AGTPBP1: variants seen among roughly 807,000 people sequenced by gnomAD.
AGTPBP1 encodes the protein cytosolic carboxypeptidase 1.
In AGTPBP1, 70 loss-of-function variants were observed where a neutral mutation model predicts 143.9. The observed-to-expected ratio is 0.49, with a 90% CI of 0.40 to 0.59. The LOEUF (loss-of-function observed/expected upper bound fraction) is 0.59, where lower values mean the gene tolerates loss of function less well. Among genes scored for constraint, AGTPBP1 ranks in the 20% least tolerant of loss-of-function variants. AGTPBP1 has a pLI of 0.00. For synonymous variants in AGTPBP1, 463 were observed against 500.2 expected (o/e 0.93, Z 0.99); for missense variants, 1,229 against 1,464.5 (o/e 0.84, Z 2.62).
chr9:85,676,074 T>A (rs1485040278), intron 6 of AGTPBP1, among the ~76,000 whole-genome samples: 1 of 152,118 alleles, frequency 6.6e-6, no homozygotes, highest in Non-Finnish European at 1.5e-5. Context: ...AGCTGTAGCA[T>A]GTTAGATTGT....
At chr9:85,757,892 G>A in the AGTPBP1 span, among the ~76,000 whole-genome samples, 1 of 152,180 alleles carries the variant, frequency 6.6e-6, no homozygotes, top group East Asian at 1.9e-4. Context: ...CAAAGGTTGT[G>A]ATAAGTCAAA....
upstream of AGTPBP1, among the ~76,000 whole-genome samples, chr9:85,743,817 T>A (rs1824534745): frequency 6.6e-6 from 1 of 152,154 alleles, no homozygotes; most frequent in Admixed American, 6.5e-5. Flanking sequence ...GGACCTTGCA[T>A]ATCCTCACCG....
intron 6 of AGTPBP1, among the ~76,000 whole-genome samples, chr9:85,674,756 C>T (rs1834716753): frequency 6.6e-6 from 1 of 152,116 alleles, no homozygotes. Flanking sequence ...ATTACTTATA[C>T]AATACATAAA....
intron 11 of AGTPBP1, among the ~76,000 whole-genome samples, chr9:85,648,322 C>T (rs978301026): frequency 2.6e-5 from 4 of 152,076 alleles, no homozygotes; most frequent in East Asian, 1.9e-4. Flanking sequence ...GCAGTTTAGT[C>T]GACCCTAACT....
At chr9:85,793,203 CA>C in the AGTPBP1 span, among the ~76,000 whole-genome samples, 1 of 152,182 alleles carries the variant, frequency 6.6e-6, no homozygotes, top group South Asian at 2.1e-4. Flanking sequence ...TTTTTAGTAA[CA>C]GTTACGTTTG....
intron 19 of AGTPBP1, among the ~76,000 whole-genome samples, 166 bp downstream of exon 19, chr9:85,592,394 T>A (rs1829026995): frequency 6.6e-6 from 1 of 152,110 alleles, no homozygotes; most frequent in South Asian, 2.1e-4. Flanking sequence ...TTTCCTTATG[T>A]TAGAATATTT....
intron 17 of AGTPBP1, 124 bp downstream of exon 17, chr9:85,618,859 T>G: frequency 1.9e-6 from 2 of 1,058,158 alleles, no homozygotes; most frequent in South Asian, 3.6e-5. Flanking sequence ...ATCTGAATTT[T>G]GAGAACTAGA....
At chr9:85,561,493 T>C (rs184401319) in intron 25 of AGTPBP1, among the ~76,000 whole-genome samples, 8 of 152,196 alleles carry the variant, frequency 5.3e-5, no homozygotes, top group Non-Finnish European at 1.2e-4. Flanking sequence ...ATCCATATCT[T>C]TGATGTGCTG....
At chr9:85,779,595 G>A in the AGTPBP1 span, among the ~76,000 whole-genome samples, 3 of 152,070 alleles carry the variant, frequency 2.0e-5, no homozygotes, top group Non-Finnish European at 4.4e-5. Flanking sequence ...ACCTCCTTTG[G>A]CAACACTCTC....
chr9:85,707,399 T>C (rs990481637), intron 2 of AGTPBP1, among the ~76,000 whole-genome samples: 1 of 151,492 alleles, frequency 6.6e-6, no homozygotes, highest in African/African-American at 2.4e-5. Flanking sequence ...AAAATAGAAA[T>C]CAAAGAAACA....
At chr9:85,624,936 T>C (rs547018251) in intron 14 of AGTPBP1, among the ~76,000 whole-genome samples, 30 of 152,312 alleles carry the variant, frequency 2.0e-4, no homozygotes, top group African/African-American at 7.0e-4. Context: ...TTATAATACA[T>C]CTTACACCTC....
chr9:85,638,949 A>G (rs1832266980), intron 13 of AGTPBP1, among the ~76,000 whole-genome samples: 1 of 152,102 alleles, frequency 6.6e-6, no homozygotes, highest in African/African-American at 2.4e-5. Context: ...ACTTCTCAAC[A>G]CAATTAACAA....
At chr9:85,599,517 C>T (rs1829527869) in intron 17 of AGTPBP1, among the ~76,000 whole-genome samples, 1 of 152,120 alleles carries the variant, frequency 6.6e-6, no homozygotes, top group South Asian at 2.1e-4. Flanking sequence ...ATTTTTCTAA[C>T]ACTATATTAA....
intron 8 of AGTPBP1, among the ~76,000 whole-genome samples, chr9:85,666,818 G>A (rs1291978366): frequency 6.6e-6 from 1 of 152,042 alleles, no homozygotes; most frequent in Non-Finnish European, 1.5e-5. Context: ...ATTAAAGGGA[G>A]AAACAGCAAA....
intron 17 of AGTPBP1, among the ~76,000 whole-genome samples, chr9:85,610,285 C>CA (rs754355020): frequency 3.3e-5 from 5 of 151,902 alleles, no homozygotes; most frequent in Non-Finnish European, 7.4e-5. Context: ...GTAATTTCAG[C>CA]AAATCCCTTC....
intron 17 of AGTPBP1, among the ~76,000 whole-genome samples, chr9:85,608,315 C>A (rs972770136): frequency 3.3e-5 from 5 of 151,908 alleles, no homozygotes; most frequent in African/African-American, 1.2e-4. Flanking sequence ...CTACATAAGG[C>A]AGAAACTACA....
intron 17 of AGTPBP1, among the ~76,000 whole-genome samples, chr9:85,611,155 C>CTTTTTTTTTTTTT (rs56023115): frequency 8.9e-6 from 1 of 112,758 alleles, no homozygotes; most frequent in Non-Finnish European, 1.8e-5. Context: ...AGGGGCTTTT[C>CTTTTTTTTTTTTT]TTTTTTTTTT....
At chr9:85,554,824 A>G (rs1028839214) in intron 25 of AGTPBP1, among the ~76,000 whole-genome samples, 25 of 152,332 alleles carry the variant, frequency 1.6e-4, no homozygotes, top group African/African-American at 5.0e-4. Context: ...ATTGTAATTA[A>G]TATGTCCAAA....
the AGTPBP1 span, among the ~76,000 whole-genome samples, chr9:85,803,519 G>T: frequency 2.6e-5 from 4 of 152,210 alleles, no homozygotes; most frequent in Non-Finnish European, 5.9e-5. Flanking sequence ...GGTTCAGCAG[G>T]TCTGGGGTGG....
Sources: gnomAD v4.1 joint callset for allele counts (sites outside exome capture counted in the v4.1 genomes callset) on GRCh38, gnomAD v4.1.1 for gene constraint, MANE v1.5 for transcripts, NCBI Gene and HGNC (gene_info 2026-07-23, HGNC 2026-07-21) for gene names.